CNTN4: variants seen among roughly 807,000 people sequenced by gnomAD.
CNTN4 encodes the protein contactin 4.
CNTN4 carries 77 observed loss-of-function variants against 122.5 expected under a neutral mutation model. The ratio of observed to expected loss-of-function variants is 0.63; its 90% confidence interval spans 0.52 to 0.76. CNTN4 has a LOEUF of 0.76. Ranked by LOEUF, CNTN4 falls within the 30% of genes least tolerant of loss-of-function variation. The pLI is 0.00. For synonymous variants in CNTN4, 512 were observed against 447.0 expected, an observed-to-expected ratio of 1.15 and a Z score of -1.83; for missense variants, 1,256 against 1,259.1, an observed-to-expected ratio of 1.00 and a Z score of 0.04.
At chr3:2,625,707 G>T (rs539689384) in intron 4 of CNTN4, among the ~76,000 whole-genome samples, 12 of 152,034 alleles carry the variant, frequency 7.9e-5, no homozygotes, top group East Asian at 1.9e-4. Flanking sequence ...TTGTGAATTG[G>T]TATTCTATAA....
Position 2,709,482 on chromosome 3 carries a change from TC to T in CNTN4, c.56-26729del, listed in dbSNP as rs1337156340. The stretch of plus-strand genomic sequence containing the variant: ...GGGGATGGGAACTACTGAAACCTAA[TC>T]CCCGCAATTACAGGGTTTTATATCG... On this transcript the variant is annotated intron_variant, in intron 4 of 24. Transcript: ENST00000418658. The surrounding 1 kb of genome is among the most constrained non-coding windows in gnomAD (Gnocchi z 5.0). Among the ~76,000 whole-genome samples the T allele has an allele frequency of 6.6e-6, 1 of 152,074 alleles. No individual in the cohort carries two copies. The highest frequency in any genetic ancestry group is 2.4e-5 in the African/African-American group (1 of 41,414).
rs192878008 is a variant in CNTN4, at chr3:2,126,316, C to T, written c.-145+25677C>T. 8.0e-4 allele frequency among the ~76,000 whole-genome samples: 121 copies of T among 152,194 alleles called. 1 individual carries two copies. Among genetic ancestry groups the T allele is most frequent in the Admixed American group, 4.0e-3 (61 of 15,296 alleles). Reference sequence around the variant, plus strand: ...GGACTATGATTCTATCTTGTCTCTGCGCCCAGTACATGGCACATTTCAGGG... The same window carrying T: ...GGACTATGATTCTATCTTGTCTCTGTGCCCAGTACATGGCACATTTCAGGG... On this transcript the variant is annotated intron_variant, in intron 2 of 24. Transcript: ENST00000418658.
chr3:2,574,285 C>T (rs960388216), intron 4 of CNTN4, among the ~76,000 whole-genome samples: 1 of 152,066 alleles, frequency 6.6e-6, no homozygotes, highest in Non-Finnish European at 1.5e-5. Context: ...TCATCCATAA[C>T]TTTTCTATAC....
rs1282133725 is a variant in CNTN4 at position 2,494,109 on chromosome 3, C to G, written c.-88-77307C>G. 2.6e-5 allele frequency among the ~76,000 whole-genome samples: 4 copies of G among 151,580 alleles called. 1 individual carries two copies. Among genetic ancestry groups the G allele is most frequent in the Non-Finnish European group, 4.4e-5 (3 of 67,962 alleles). On this transcript the variant is annotated intron_variant, in intron 3 of 24. Coordinates refer to ENST00000418658, the MANE Select transcript of CNTN4 (RefSeq NM_175607.3). ...ATTTTCCTCTTACATGTTATTGAACCAATTATTGATGAAAGAGAGTCAAAC... is the reference window on the plus strand; with the variant it reads ...ATTTTCCTCTTACATGTTATTGAACGAATTATTGATGAAAGAGAGTCAAAC...
intron 3 of CNTN4, among the ~76,000 whole-genome samples, chr3:2,406,539 A>G (rs1379691832): frequency 6.6e-6 from 1 of 152,218 alleles, no homozygotes; most frequent in African/African-American, 2.4e-5. Context: ...TATGTAAGGT[A>G]TGAACCTTGG....
intron 14 of CNTN4, among the ~76,000 whole-genome samples, chr3:3,008,823 C>A (rs62234367): frequency 0.2 from 30,918 of 152,052 alleles, 3,365 homozygotes; most frequent in East Asian, 0.29. Context: ...ACTTTTGCAC[C>A]AACCTAATAT....
chr3:2,449,985 A>T (rs942599169), intron 3 of CNTN4, among the ~76,000 whole-genome samples: 11 of 152,200 alleles, frequency 7.2e-5, no homozygotes, highest in Non-Finnish European at 1.5e-4. Context: ...ATAGACTGTC[A>T]GTCAGGCAAG....
chr3:2,546,875 A>C (rs1386232203), intron 3 of CNTN4, among the ~76,000 whole-genome samples: 4 of 152,170 alleles, frequency 2.6e-5, no homozygotes, highest in Admixed American at 2.6e-4. Context: ...CACCAATTTC[A>C]TTCCGAGCGG....
intron 8 of CNTN4, among the ~76,000 whole-genome samples, chr3:2,872,717 C>T (rs1015634381): frequency 6.6e-6 from 1 of 152,102 alleles, no homozygotes; most frequent in Non-Finnish European, 1.5e-5. Flanking sequence ...TTTCTCTCCT[C>T]CATTTCTATA....
At chr3:2,337,952 G>C (rs1411101761) in intron 2 of CNTN4, among the ~76,000 whole-genome samples, 2 of 151,996 alleles carry the variant, frequency 1.3e-5, no homozygotes, top group Non-Finnish European at 2.9e-5. Flanking sequence ...TAGGTGTTTA[G>C]ATACATACTA....
chr3:2,445,167 G>A (rs1458280205), intron 3 of CNTN4, among the ~76,000 whole-genome samples: 1 of 152,150 alleles, frequency 6.6e-6, no homozygotes, highest in Admixed American at 6.6e-5. Context: ...CAGAGGATCA[G>A]ACATCAGCTC....
At chr3:2,798,240 A>G (rs935906585) in intron 6 of CNTN4, among the ~76,000 whole-genome samples, 5 of 151,738 alleles carry the variant, frequency 3.3e-5, no homozygotes, top group Non-Finnish European at 7.4e-5. Context: ...TACAAAAGAC[A>G]AGATTTTATT....
chr3:2,423,464 G>T (rs1428513747), intron 3 of CNTN4, among the ~76,000 whole-genome samples: 20 of 151,054 alleles, frequency 1.3e-4, no homozygotes, highest in African/African-American at 4.4e-4. Context: ...GTTTCTGAAA[G>T]ACAGGGTGAA....
chr3:2,331,950 C>T (rs1022136601), intron 2 of CNTN4, among the ~76,000 whole-genome samples: 2 of 152,154 alleles, frequency 1.3e-5, no homozygotes, highest in Non-Finnish European at 2.9e-5. Flanking sequence ...GGCGATTCTC[C>T]TGTCCAGCCC....
At chr3:2,879,418 A>G (rs7611348) in intron 8 of CNTN4, among the ~76,000 whole-genome samples, 38,941 of 152,100 alleles carry the variant, frequency 0.26, 5,089 homozygotes, top group Middle Eastern at 0.35. Flanking sequence ...TGAGTTTGTA[A>G]TGCTTTGTTA....
At chr3:2,676,142 T>A (rs891468633) in intron 4 of CNTN4, among the ~76,000 whole-genome samples, 5 of 152,144 alleles carry the variant, frequency 3.3e-5, no homozygotes, top group Non-Finnish European at 7.4e-5. Flanking sequence ...TCCTACATGA[T>A]GATAATATTT....
At chr3:3,019,360 A>G (rs1698059956) in intron 14 of CNTN4, among the ~76,000 whole-genome samples, 1 of 152,036 alleles carries the variant, frequency 6.6e-6, no homozygotes, top group Non-Finnish European at 1.5e-5. Flanking sequence ...GCTGGAGTGC[A>G]TTGGTGCGAC....
intron 2 of CNTN4, among the ~76,000 whole-genome samples, chr3:2,320,126 T>G (rs556763662): frequency 3.0e-4 from 45 of 152,304 alleles, no homozygotes; most frequent in African/African-American, 9.6e-4. Context: ...AATTCTGGAA[T>G]GAAAATTAGA....
At chr3:2,141,131 T>G (rs1168256478) in intron 2 of CNTN4, among the ~76,000 whole-genome samples, 1 of 152,170 alleles carries the variant, frequency 6.6e-6, no homozygotes, top group Admixed American at 6.5e-5. Context: ...AATGTTGTCA[T>G]TGCAGGGTAT....
Sources: gnomAD v4.1 joint callset for allele counts (sites outside exome capture counted in the v4.1 genomes callset) on GRCh38, gnomAD v4.1.1 for gene constraint, Gnocchi (gnomAD v3.1) non-coding constraint, MANE v1.5 for transcripts, NCBI Gene and HGNC (gene_info 2026-07-23, HGNC 2026-07-21) for gene names.